MYO1B: variants seen among roughly 807,000 people sequenced by gnomAD.
The protein encoded by MYO1B is myosin IB, also known as unconventional myosin-Ib.
MYO1B carries 72 observed loss-of-function variants against 159.7 expected under a neutral mutation model. The observed-to-expected ratio is 0.45, with a 90% CI of 0.37 to 0.55. MYO1B has a LOEUF of 0.55. MYO1B is among the 20% of genes least tolerant of loss of function. The pLI is 0.00. For synonymous variants in MYO1B, 468 were observed against 473.8 expected, an observed-to-expected ratio of 0.99 and a Z score of 0.16; for missense variants, 1,062 against 1,364.8, an observed-to-expected ratio of 0.78 and a Z score of 3.50.
In MYO1B at chr2:191,378,187, A is replaced by G. The variant is rs867134744; in HGVS notation, c.1186-3275A>G. Reference sequence around the variant, plus strand: ...GGGAAAGGGGAGTTACTTTTGGATTATGATGGATCTCTTCACTTTTTGGTG... The same window carrying G: ...GGGAAAGGGGAGTTACTTTTGGATTGTGATGGATCTCTTCACTTTTTGGTG... On this transcript the variant is annotated intron_variant, in intron 13 of 30. Coordinates refer to ENST00000392318, the MANE Select transcript of MYO1B (RefSeq NM_001130158.3). Among the ~76,000 whole-genome samples, 11 of 152,268 alleles carry G rather than the reference A, an allele frequency of 7.2e-5. No individual in the cohort carries two copies. In the South Asian group the frequency reaches 2.1e-3, roughly 29 times the overall value.
At chr2:191,261,635 A>AT (rs1686816979) in intron 1 of MYO1B, among the ~76,000 whole-genome samples, 1 of 152,108 alleles carries the variant, frequency 6.6e-6, no homozygotes, top group Admixed American at 6.6e-5. Flanking sequence ...CAAAGGTCTT[A>AT]TTGGCTATAT....
chr2:191,368,222 C>G (rs540247709), intron 11 of MYO1B, among the ~76,000 whole-genome samples: 9 of 152,268 alleles, frequency 5.9e-5, no homozygotes, highest in South Asian at 4.1e-4. Flanking sequence ...CCCACATAAT[C>G]TAACAAGTTG....
intron 20 of MYO1B, among the ~76,000 whole-genome samples, chr2:191,395,490 C>T (rs1696015830): frequency 6.6e-6 from 1 of 152,272 alleles, no homozygotes. Context: ...GCACTTCTAA[C>T]ATGAGGGATT....
chr2:191,288,927 G>A (rs1212981041), intron 2 of MYO1B, among the ~76,000 whole-genome samples: 2 of 152,164 alleles, frequency 1.3e-5, no homozygotes, highest in African/African-American at 2.4e-5. Flanking sequence ...AGATGCAGAC[G>A]ACTCCTATAC....
chr2:191,390,732 C>T lies in MYO1B; in HGVS notation c.1982+240C>T, dbSNP rs566408367. 5.3e-5 allele frequency among the ~76,000 whole-genome samples: 8 copies of T among 152,184 alleles called. No homozygotes were observed. In the South Asian group the frequency reaches 1.2e-3, roughly 24 times the overall value. ...TTTTAGAATATGCCCAAGGTAGGTTCGTAGGAGGTGGTTTGTAATTTGATA... is the reference window on the plus strand; with the variant it reads ...TTTTAGAATATGCCCAAGGTAGGTTTGTAGGAGGTGGTTTGTAATTTGATA... On this transcript the variant is annotated intron_variant, in intron 18 of 30. Transcript: ENST00000392318.
chr2:191,259,221 A>T (rs1445491752), intron 1 of MYO1B, among the ~76,000 whole-genome samples: 2 of 152,304 alleles, frequency 1.3e-5, no homozygotes, highest in East Asian at 3.9e-4. Flanking sequence ...AATTTTGAAG[A>T]TCTCATGCCG....
chr2:191,293,656 C>G (rs748530911), intron 2 of MYO1B, among the ~76,000 whole-genome samples: 3 of 152,110 alleles, frequency 2.0e-5, no homozygotes, highest in Non-Finnish European at 4.4e-5. Context: ...TGAGGATTAC[C>G]AGAAGTGTTC....
At chr2:191,249,980 C>CTTTGG (rs963052898) in intron 1 of MYO1B, among the ~76,000 whole-genome samples, 1 of 152,234 alleles carries the variant, frequency 6.6e-6, no homozygotes, top group African/African-American at 2.4e-5. Context: ...CTCTTACAGC[C>CTTTGG]TTTGGTAGGT....
chr2:191,360,155 A>G (rs930289959), intron 7 of MYO1B, among the ~76,000 whole-genome samples: 11 of 152,210 alleles, frequency 7.2e-5, no homozygotes, highest in African/African-American at 1.9e-4. Flanking sequence ...AGTGTTTTCA[A>G]CTGTAGAATG....
rs140444496 is a variant in MYO1B at position 191,349,046 on chromosome 2, CT to C, written c.499-1114del. ...ATTTCCTACTCTCCCTTTGTTCCCGCTTCTTTGGCATAGCACCAGGACCCAC... is the reference window on the plus strand; with the variant it reads ...ATTTCCTACTCTCCCTTTGTTCCCGCTCTTTGGCATAGCACCAGGACCCAC... On this transcript the variant is annotated intron_variant, in intron 6 of 30. Coordinates refer to ENST00000392318, the MANE Select transcript of MYO1B (RefSeq NM_001130158.3). 2.4e-3 allele frequency among the ~76,000 whole-genome samples: 360 copies of C among 152,322 alleles called. 3 individuals are homozygous for C. The highest frequency in any genetic ancestry group is 8.3e-3 in the African/African-American group (344 of 41,562).
intron 4 of MYO1B, among the ~76,000 whole-genome samples, chr2:191,336,832 C>G (rs1691883255): frequency 6.6e-6 from 1 of 152,114 alleles, no homozygotes; most frequent in African/African-American, 2.4e-5. Context: ...ACCACCAGAC[C>G]TACAAAAGCT....
intron 1 of MYO1B, among the ~76,000 whole-genome samples, chr2:191,258,123 G>T (rs1435211603): frequency 6.6e-6 from 1 of 151,876 alleles, no homozygotes; most frequent in Admixed American, 6.6e-5. Flanking sequence ...TTGTCATTGC[G>T]CAAACACCAC....
At chr2:191,362,719 C>G (rs1693750333) in intron 9 of MYO1B, among the ~76,000 whole-genome samples, 1 of 152,122 alleles carries the variant, frequency 6.6e-6, no homozygotes, top group Non-Finnish European at 1.5e-5. Flanking sequence ...TAAATCAAAA[C>G]TATTTTTGAG....
intron 2 of MYO1B, among the ~76,000 whole-genome samples, chr2:191,287,253 C>T (rs1377729580): frequency 1.3e-5 from 2 of 152,098 alleles, no homozygotes; most frequent in African/African-American, 2.4e-5. Context: ...TCAGGCCAGG[C>T]GCGGTGGCTC....
chr2:191,329,418 A>G (rs967917708), intron 3 of MYO1B, among the ~76,000 whole-genome samples: 3 of 151,910 alleles, frequency 2.0e-5, no homozygotes, highest in Admixed American at 1.3e-4. Flanking sequence ...AAATGTTTGA[A>G]AAGATTTTTT....
At chr2:191,389,252 CGTAA>C (rs1364338423) in intron 17 of MYO1B, among the ~76,000 whole-genome samples, 1 of 152,268 alleles carries the variant, frequency 6.6e-6, no homozygotes, top group Admixed American at 6.5e-5. Context: ...TAGTTGTCCA[CGTAA>C]GTGTGTAATT....
chr2:191,356,717 T>C (rs183169638), intron 7 of MYO1B, among the ~76,000 whole-genome samples: 2 of 152,282 alleles, frequency 1.3e-5, no homozygotes, highest in East Asian at 3.9e-4. Context: ...GACCAGATAT[T>C]TCATTAATTT....
At chr2:191,327,943 TA>T (rs1217379429) in intron 3 of MYO1B, among the ~76,000 whole-genome samples, 3 of 152,192 alleles carry the variant, frequency 2.0e-5, no homozygotes, top group African/African-American at 4.8e-5. Context: ...AAAATAAGAC[TA>T]GGGGTGGCTA....
chr2:191,313,575 G>A (rs1690160262), intron 3 of MYO1B, among the ~76,000 whole-genome samples: 2 of 152,110 alleles, frequency 1.3e-5, no homozygotes, highest in South Asian at 2.1e-4. Flanking sequence ...TAGTAGAGAC[G>A]GGCTTTCACC....
Sources: allele counts gnomAD v4.1 joint callset (sites outside exome capture counted in the v4.1 genomes callset), GRCh38; gene constraint gnomAD v4.1.1; transcripts MANE v1.5; gene names NCBI Gene and HGNC (gene_info 2026-07-23, HGNC 2026-07-21).